Variants in DCC observed in about 807,000 individuals in gnomAD.
The protein encoded by DCC is DCC netrin 1 receptor.
Under a neutral mutation model 172.5 loss-of-function variants are expected in DCC, and 58 were observed. That is an observed-to-expected ratio of 0.34 (90% CI 0.27 to 0.42). DCC has a LOEUF of 0.42. DCC is among the 10% of genes least tolerant of loss of function. The probability of loss-of-function intolerance (pLI) is 1.00; values close to 1 mark genes in which losing one functional copy is unlikely to be tolerated. For synonymous variants in DCC, 709 were observed against 644.5 expected (o/e 1.10, Z -1.52); for missense variants, 1,740 against 1,791.0 (o/e 0.97, Z 0.51).
intron 1 of DCC, among the ~76,000 whole-genome samples, chr18:52,639,050 C>T (rs964023635): frequency 2.6e-5 from 4 of 152,128 alleles, no homozygotes; most frequent in East Asian, 1.9e-4. Flanking sequence ...ATAATCTGCT[C>T]CTGAATGAGC....
chr18:52,709,673 A>G (rs1243181663), intron 1 of DCC, among the ~76,000 whole-genome samples: 1 of 152,332 alleles, frequency 6.6e-6, no homozygotes, highest in Admixed American at 6.5e-5. Flanking sequence ...CTAGTCAAAT[A>G]TATGTTAAAG....
intron 12 of DCC, among the ~76,000 whole-genome samples, chr18:53,268,113 T>C (rs1385824407): frequency 6.6e-6 from 1 of 152,156 alleles, no homozygotes; most frequent in African/African-American, 2.4e-5. Flanking sequence ...AAAATGAGTT[T>C]ATAGAATGTC....
At chr18:52,839,977 G>C (rs1274632138) in intron 2 of DCC, among the ~76,000 whole-genome samples, 1 of 152,126 alleles carries the variant, frequency 6.6e-6, no homozygotes, top group African/African-American at 2.4e-5. Flanking sequence ...CTAGCCCAGT[G>C]GTCCTCAAAC....
chr18:52,608,112 GTCTCTGC>G (rs1270863675), intron 1 of DCC, among the ~76,000 whole-genome samples: 2 of 151,750 alleles, frequency 1.3e-5, no homozygotes, highest in African/African-American at 4.8e-5. Flanking sequence ...CTTTCTCCCT[GTCTCTGC>G]CACCCTAACC....
rs116744780 is a variant in DCC at position 52,913,787 on chromosome 18, G to T, written c.697+7459G>T. Among the ~76,000 whole-genome samples the T allele has an allele frequency of 1.2e-3, 185 of 152,048 alleles. 1 individual carries two copies. Among genetic ancestry groups the T allele is most frequent in the African/African-American group, 4.2e-3 (175 of 41,502 alleles). ...CATCTTAAGGGTCAGGCAATCATCCGTGACTCTCACATGAACAAGAAAACC... is the reference window on the plus strand; with the variant it reads ...CATCTTAAGGGTCAGGCAATCATCCTTGACTCTCACATGAACAAGAAAACC... On this transcript the variant is annotated intron_variant, in intron 3 of 28. Coordinates refer to ENST00000442544, the MANE Select transcript of DCC (RefSeq NM_005215.4).
chr18:53,431,221 A>C (rs1911587591), intron 21 of DCC, among the ~76,000 whole-genome samples: 1 of 151,894 alleles, frequency 6.6e-6, no homozygotes, highest in African/African-American at 2.4e-5. Flanking sequence ...CCTGGTTCCA[A>C]AATCTAAGGT....
intron 15 of DCC, among the ~76,000 whole-genome samples, chr18:53,354,330 A>G (rs1298365720): frequency 1.3e-5 from 2 of 152,214 alleles, no homozygotes; most frequent in African/African-American, 2.4e-5. Flanking sequence ...TCCCTGAGGA[A>G]TCGCCACACT....
chr18:53,282,080 C>T (rs1241236311), intron 12 of DCC, among the ~76,000 whole-genome samples: 1 of 152,046 alleles, frequency 6.6e-6, no homozygotes, highest in Admixed American at 6.6e-5. Context: ...TTTTCACTAC[C>T]TACAACGTAC....
chr18:52,922,168 T>C (rs995002515), intron 3 of DCC, among the ~76,000 whole-genome samples: 1 of 152,182 alleles, frequency 6.6e-6, no homozygotes, highest in African/African-American at 2.4e-5. Flanking sequence ...ATGTTCTCAA[T>C]ATTTTCATTG....
intron 2 of DCC, among the ~76,000 whole-genome samples, chr18:52,876,263 G>C (rs2039401631): frequency 6.6e-6 from 1 of 152,148 alleles, no homozygotes; most frequent in Admixed American, 6.5e-5. Context: ...ATTGTTTACT[G>C]ATCTGACACT....
chr18:53,396,287 A>G (rs1281376986), intron 17 of DCC, among the ~76,000 whole-genome samples: 2 of 152,216 alleles, frequency 1.3e-5, no homozygotes, highest in African/African-American at 2.4e-5. Flanking sequence ...AATCATATTT[A>G]TAAGAGGAAT....
At chr18:52,706,133 T>A (rs11874704) in intron 1 of DCC, among the ~76,000 whole-genome samples, 5,375 of 152,092 alleles carry the variant, frequency 0.035, 145 homozygotes, top group East Asian at 0.09. Context: ...TGTATAGAGG[T>A]CATAAAGTGA....
intron 1 of DCC, among the ~76,000 whole-genome samples, chr18:52,410,088 CCTGACAATGAGTT>C (rs2144400690): frequency 6.6e-6 from 1 of 152,184 alleles, no homozygotes; most frequent in Admixed American, 6.5e-5. Flanking sequence ...ATGTAGGATA[CCTGACAATGAGTT>C]CTTCCAAAAT....
intron 7 of DCC, among the ~76,000 whole-genome samples, chr18:53,102,357 G>T (rs529175227): frequency 6.6e-6 from 1 of 152,144 alleles, no homozygotes; most frequent in African/African-American, 2.4e-5. Flanking sequence ...CATTTTTAAA[G>T]GTATTTTATA....
intron 1 of DCC, among the ~76,000 whole-genome samples, chr18:52,730,037 A>G (rs2036612818): frequency 6.6e-6 from 1 of 152,246 alleles, no homozygotes. Flanking sequence ...CTTATTTCAA[A>G]GAATACTTAA....
At chr18:52,682,225 A>C (rs17749283) in intron 1 of DCC, among the ~76,000 whole-genome samples, 70,083 of 151,922 alleles carry the variant, frequency 0.46, 16,314 homozygotes, top group Non-Finnish European at 0.51. Flanking sequence ...CAATAGAAAA[A>C]CACATTACCT....
At chr18:53,226,515 G>T (rs545533329) in intron 12 of DCC, among the ~76,000 whole-genome samples, 17 of 152,242 alleles carry the variant, frequency 1.1e-4, no homozygotes, top group African/African-American at 4.1e-4. Flanking sequence ...GAGCACAACT[G>T]ATACCTCAAT....
chr18:53,105,539 C>A (rs972132641), intron 7 of DCC, among the ~76,000 whole-genome samples: 1 of 151,960 alleles, frequency 6.6e-6, no homozygotes, highest in Admixed American at 6.6e-5. Flanking sequence ...TTTCAGACTA[C>A]ACAAGTAGGA....
intron 1 of DCC, among the ~76,000 whole-genome samples, chr18:52,646,265 T>C (rs2035016420): frequency 6.6e-6 from 1 of 152,252 alleles, no homozygotes; most frequent in Admixed American, 6.5e-5. Context: ...AATTATAAGC[T>C]TAATTTCTAC....
Sources: gnomAD v4.1 joint callset for allele counts (sites outside exome capture counted in the v4.1 genomes callset) on GRCh38, gnomAD v4.1.1 for gene constraint, MANE v1.5 for transcripts, NCBI Gene and HGNC (gene_info 2026-07-23, HGNC 2026-07-21) for gene names.